TTN: variants seen among roughly 807,000 people sequenced by gnomAD.
The protein encoded by TTN is titin.
TTN carries 1,525 observed loss-of-function variants against 3,223.0 expected under a neutral mutation model. That is an observed-to-expected ratio of 0.47 (90% CI 0.45 to 0.49). TTN has a LOEUF of 0.49. Among genes scored for constraint, TTN ranks in the 20% least tolerant of loss-of-function variants. The probability of loss-of-function intolerance (pLI) is 0.00; values close to 1 mark genes in which losing one functional copy is unlikely to be tolerated. For synonymous variants in TTN, 14,094 were observed against 15,161.0 expected (o/e 0.93, Z 5.17); for missense variants, 40,786 against 43,424.0 (o/e 0.94, Z 5.40).
At position 178,547,165 on chromosome 2, in the gene TTN, G is replaced by A. The variant is rs758766295; in HGVS notation, c.94360C>T (p.Leu31454Phe). 8 of 1,613,800 alleles carry A rather than the reference G, an allele frequency of 5.0e-6. No homozygotes were observed. The South Asian group carries it at 8.8e-5, about 18-fold the overall frequency. The change falls in exon 340 of 363, where the codon CTT (leucine) becomes TTT (phenylalanine). Residue 31454 changes from leucine (L) to phenylalanine (F), a missense_variant. Physicochemically the swap from Leu to Phe is conservative, Grantham distance 22. Coordinates refer to ENST00000589042, the MANE Select transcript of TTN (RefSeq NM_001267550.2). ...GGCACTTTGTTTTCTTTCACCCAAA[G>A]AATTGTATTACGTTCTTTCTTCTCA... ...WVEKKERNTI[L>F]WVKENKVPCL...
rs35147775 is a variant in TTN at position 178,730,850 on chromosome 2, GT to G, written c.17741-59del. The G allele has an allele frequency of 0.048, 59,066 of 1,240,692 alleles. 2,145 individuals are homozygous for G. The highest frequency in any genetic ancestry group is 0.21 in the East Asian group (8,022 of 37,990). 76.9% of individuals were successfully genotyped at this position (1,240,692 alleles called of 1,614,324 possible). ...AAGGTCAATCTACTAATTTGTTTTT[GT>G]TTTTTTTTTTAAATTTTAAGGGAAG... is the stretch of plus-strand genomic sequence containing the variant. On this transcript the variant is annotated intron_variant, in intron 60 of 362. Coordinates refer to ENST00000589042, the MANE Select transcript of TTN (RefSeq NM_001267550.2).
At position 178,608,189 on chromosome 2, in the gene TTN, T is replaced by C; in HGVS notation, c.52694A>G (p.His17565Arg). 1 of 1,602,500 alleles carries C rather than the reference T, an allele frequency of 6.2e-7. No homozygotes were observed. Reference sequence around the variant, plus strand: ...AAGGAACTACTTACAGATTGGATCATGTGCTGTTTTGGGATCTGAAGGTGG... The same window carrying C: ...AAGGAACTACTTACAGATTGGATCACGTGCTGTTTTGGGATCTGAAGGTGG... ...FSPPSDPKTA[H>R]DPISPPGPPI... The change falls in exon 275 of 363, where the codon CAT becomes CGT. Residue 17565 changes from histidine (H) to arginine (R), a missense_variant. Physicochemically the swap from His to Arg is conservative, Grantham distance 29. Transcript: ENST00000589042.
rs1466048751 is a variant in TTN, at chr2:178,549,372, G to C, written c.92254C>G (p.Gln30752Glu). 3 of 1,613,772 alleles carry C rather than the reference G, an allele frequency of 1.9e-6. No individual in the cohort carries two copies. The highest frequency in any genetic ancestry group is 1.7e-6 in the Non-Finnish European group (2 of 1,179,776). ...TCTCTTCTTTCAAGGATATACTGTTGAATTTCACTGCCACCATCTGATTCT... is the reference window on the plus strand; with the variant it reads ...TCTCTTCTTTCAAGGATATACTGTTCAATTTCACTGCCACCATCTGATTCT... ...RPESDGGSEI[Q>E]QYILERREKK... The change falls in exon 339 of 363, where the codon CAA (glutamine) becomes GAA (glutamate). Residue 30752 changes from glutamine (Q) to glutamate (E), a missense_variant. By Grantham distance (29) the Gln-to-Glu change is conservative. Transcript: ENST00000589042.
At chr2:178,692,416 T>A in intron 120 of TTN, 81 bp downstream of exon 120, 1 of 1,241,586 alleles carries the variant, frequency 8.1e-7, no homozygotes, top group South Asian at 1.3e-5. Context: ...TTACAGATGC[T>A]ATTTTGTTAA....
chr2:178,729,210 G>A (rs770266451), intron 64 of TTN, 41 bp from the exon 65 acceptor site: 1 of 1,549,252 alleles, frequency 6.5e-7, no homozygotes, highest in Non-Finnish European at 8.7e-7. Context: ...GAAACATATT[G>A]TAACTCCTAC....
intron 47 of TTN, chr2:178,746,200 T>C: frequency 6.2e-7 from 1 of 1,613,214 alleles, no homozygotes. Context: ...TGACTGAACA[T>C]TTGAATACAG....
chr2:178,733,273 G>T lies in TTN; in HGVS notation c.16020C>A (p.Gly5340=), dbSNP rs879027328. The change falls in exon 54 of 363, where the codon GGC becomes GGA. Residue 5340 remains glycine, a synonymous_variant. Transcript: ENST00000589042. The part of the protein sequence containing the change: ...QYTFEISNEV[G]SSSCETTFTV... ...TGAATGTAGTCTCACAGGAGCTGCTGCCCACTTCATTGGAAATCTCAAATG... is the reference window on the plus strand; with the variant it reads ...TGAATGTAGTCTCACAGGAGCTGCTTCCCACTTCATTGGAAATCTCAAATG... 1.9e-6 allele frequency: 3 copies of T among 1,610,604 alleles called. No individual in the cohort carries two copies. Among genetic ancestry groups the T allele is most frequent in the Non-Finnish European group, 2.5e-6 (3 of 1,177,656 alleles).
At chr2:178,624,864 C>G in intron 241 of TTN, 133 bp from the exon 242 acceptor site, 1 of 968,852 alleles carries the variant, frequency 1.0e-6, no homozygotes, top group East Asian at 2.5e-5. Flanking sequence ...TGATTACACT[C>G]AGACATTTTC....
rs899624152 is a variant in TTN at position 178,713,510 on chromosome 2, A to G, written c.26762-138T>C. 1.9e-5 allele frequency: 25 copies of G among 1,301,366 alleles called. No homozygotes were observed. The African/African-American group carries it at 3.4e-4, about 18-fold the overall frequency. 80.6% of individuals were successfully genotyped at this position (1,301,366 alleles called of 1,614,324 possible). The stretch of plus-strand genomic sequence containing the variant: ...TTTGGCTCTTTTGTGACGGTATTAA[A>G]AACTCCTCTATGGGTTCACACTATC... On this transcript the variant is annotated intron_variant, in intron 92 of 362. Coordinates refer to ENST00000589042, the MANE Select transcript of TTN (RefSeq NM_001267550.2).
At chr2:178,593,906 C>G in intron 297 of TTN, 39 bp from the exon 298 acceptor site, 1 of 1,607,762 alleles carries the variant, frequency 6.2e-7, no homozygotes, top group Non-Finnish European at 8.5e-7. Context: ...ATGTTATTGC[C>G]ATTTCTGCTT....
At chr2:178,631,325 G>C (rs1225389863) in intron 236 of TTN, 25 bp from the exon 237 acceptor site, 2 of 1,581,318 alleles carry the variant, frequency 1.3e-6, no homozygotes, top group South Asian at 1.2e-5. Context: ...TAAGTGAAAA[G>C]CTTTTATTAA....
At chr2:178,750,226 C>G in intron 47 of TTN, 1 of 1,613,150 alleles carries the variant, frequency 6.2e-7, no homozygotes, top group African/African-American at 1.3e-5. Flanking sequence ...CCAATGCTAA[C>G]TCTTCTTCCT....
intron 163 of TTN, among the ~76,000 whole-genome samples, chr2:178,666,398 C>G (rs965037242): frequency 6.6e-6 from 1 of 151,896 alleles, no homozygotes; most frequent in Non-Finnish European, 1.5e-5. Context: ...AGCAAATGAA[C>G]ATGGAGGGGA....
rs912809911 is a variant in TTN, at chr2:178,601,169, G to A, written c.55735C>T (p.Pro18579Ser). ...QRTTARDPIYPPDPPIKLKIG... is the reference protein window; with the variant it reads ...QRTTARDPIYSPDPPIKLKIG... Reference sequence around the variant, plus strand: ...TTGAGTTTAATAGGAGGATCAGGAGGATCTGTAAAAATAATTAAAGGAAGT... The same window carrying A: ...TTGAGTTTAATAGGAGGATCAGGAGAATCTGTAAAAATAATTAAAGGAAGT... Residue 18579 changes from proline to serine, a missense_variant and splice_region_variant, in exon 288 of 363, where the codon CCT becomes TCT. Coordinates refer to ENST00000589042, the MANE Select transcript of TTN (RefSeq NM_001267550.2). 6.6e-7 allele frequency: 1 copy of A among 1,524,916 alleles called. No homozygotes were observed. Among genetic ancestry groups the A allele is most frequent in the Admixed American group, 2.2e-5 (1 of 44,852 alleles). The allele number at this position is 1,524,916 out of a possible 1,614,324, so 94.5% of individuals were successfully genotyped here. A position where few individuals can be genotyped will look rare whatever the true frequency, so the allele number is the denominator to read the frequency against.
Position 178,583,664 on chromosome 2 carries a change from C to A in TTN, c.65518G>T (p.Val21840Leu), listed in dbSNP as rs770780646. The change falls in exon 312 of 363, where the codon GTA becomes TTA. Residue 21840 changes from valine to leucine, a missense_variant. Transcript: ENST00000589042. Reference sequence around the variant, plus strand: ...GGTTCAGAAGGTGGGCTAATGTTTACCGCGGTCCTGGCAATAGCTCTAAAT... The same window carrying A: ...GGTTCAGAAGGTGGGCTAATGTTTAACGCGGTCCTGGCAATAGCTCTAAAT... ...YQFRAIARTA[V>L]NISPPSEPSD... 1 of 1,612,108 alleles carries A rather than the reference C, an allele frequency of 6.2e-7. No homozygotes were observed. The highest frequency in any genetic ancestry group is 1.3e-5 in the African/African-American group (1 of 74,874).
Position 178,770,054 on chromosome 2 carries a change from A to G in TTN, c.8641+6T>C, listed in dbSNP as rs2091247755. Reference sequence around the variant, plus strand: ...AAAGGGCTGTAGGGGGCTGCCTGATACTTACTCTCCACAAACAGTTTTGCT... The same window carrying G: ...AAAGGGCTGTAGGGGGCTGCCTGATGCTTACTCTCCACAAACAGTTTTGCT... On this transcript the variant is annotated splice_donor_region_variant and intron_variant, in intron 36 of 362. Transcript: ENST00000589042. The G allele has an allele frequency of 6.2e-7, 1 of 1,614,138 alleles. No homozygotes were observed. The highest frequency in any genetic ancestry group is 8.5e-7 in the Non-Finnish European group (1 of 1,180,004).
At chr2:178,622,448 A>G (rs1388767556) in intron 243 of TTN, among the ~76,000 whole-genome samples, 1 of 151,900 alleles carries the variant, frequency 6.6e-6, no homozygotes, top group Non-Finnish European at 1.5e-5. Flanking sequence ...TAATATCTAA[A>G]TCTCCTGATT....
At chr2:178,727,010 A>G in intron 69 of TTN, 80 bp downstream of exon 69, 1 of 1,258,936 alleles carries the variant, frequency 7.9e-7, no homozygotes, top group Non-Finnish European at 1.0e-6. Flanking sequence ...CTAAAATGAT[A>G]GTAAATGAAT....
intron 47 of TTN, among the ~76,000 whole-genome samples, chr2:178,742,493 C>G (rs1560934374): frequency 1.3e-5 from 2 of 152,102 alleles, no homozygotes; most frequent in Non-Finnish European, 2.9e-5. Flanking sequence ...GGCCTTCTTT[C>G]ATCTATGTAA....
Sources: allele counts gnomAD v4.1 joint callset (sites outside exome capture counted in the v4.1 genomes callset), GRCh38; gene constraint gnomAD v4.1.1; transcripts MANE v1.5; gene names NCBI Gene and HGNC (gene_info 2026-07-23, HGNC 2026-07-21).